Variants in OGDH observed in about 807,000 individuals in gnomAD.
The protein encoded by OGDH is oxoglutarate dehydrogenase.
A neutral mutation model predicts 116.6 loss-of-function variants in OGDH; 38 were observed. The ratio of observed to expected loss-of-function variants is 0.33; its 90% CI spans 0.25 to 0.43. OGDH has a LOEUF of 0.43. Among genes scored for constraint, OGDH ranks in the 20% least tolerant of loss-of-function variants. The pLI, the probability that OGDH is intolerant of heterozygous loss-of-function variation, is 1.00. For missense variants in OGDH, 825 were observed against 1,357.2 expected, an observed-to-expected ratio of 0.61 and a Z score of 6.16; for synonymous variants, 488 against 533.3, an observed-to-expected ratio of 0.92 and a Z score of 1.17.
chr7:44,611,016 A>G (rs1460711476), intron 1 of OGDH, among the ~76,000 whole-genome samples: 1 of 151,990 alleles, frequency 6.6e-6, no homozygotes, highest in Non-Finnish European at 1.5e-5. Flanking sequence ...TGTTGAGTTG[A>G]AGAACTCTTT....
intron 2 of OGDH, among the ~76,000 whole-genome samples, chr7:44,629,989 C>T (rs1785369805): frequency 6.6e-6 from 1 of 152,190 alleles, no homozygotes; most frequent in Admixed American, 6.5e-5. Flanking sequence ...GTTCAGATTA[C>T]AGGTGCAGGC....
chr7:44,619,152 CA>C (rs763983238), intron 1 of OGDH, among the ~76,000 whole-genome samples: 31 of 152,292 alleles, frequency 2.0e-4, no homozygotes, highest in Admixed American at 7.2e-4. Context: ...TTGACCTGTG[CA>C]ACTCTTAATC....
chr7:44,687,186 C>T (rs1788170129), intron 10 of OGDH, among the ~76,000 whole-genome samples: 1 of 149,794 alleles, frequency 6.7e-6, no homozygotes, highest in Admixed American at 6.7e-5. Flanking sequence ...CAACCTCCAC[C>T]TCCGAGGTTC....
chr7:44,621,104 C>T (rs1784991338), intron 1 of OGDH, among the ~76,000 whole-genome samples: 1 of 152,094 alleles, frequency 6.6e-6, no homozygotes, highest in South Asian at 2.1e-4. Flanking sequence ...GATAGGGTCT[C>T]GCTCTGTCAC....
chr7:44,606,894 G>A (rs1324180164), intron 1 of OGDH, among the ~76,000 whole-genome samples: 2 of 152,062 alleles, frequency 1.3e-5, no homozygotes, highest in Non-Finnish European at 2.9e-5. Context: ...GCGGAGATTG[G>A]CGGGTACGGG....
rs116796483 is a variant in OGDH, at chr7:44,641,970, G to C, written c.223-3357G>C. 3.6e-3 allele frequency among the ~76,000 whole-genome samples: 543 copies of C among 152,328 alleles called. 4 individuals are homozygous for C. The highest frequency in any genetic ancestry group is 0.013 in the African/African-American group (527 of 41,572). On this transcript the variant is annotated intron_variant, in intron 2 of 22. Coordinates refer to ENST00000222673, the MANE Select transcript of OGDH (RefSeq NM_002541.4). Reference sequence around the variant, plus strand: ...TGTTTTCTCTCCTAAGAGTAAGTCAGTTTTTTCCTCTGGTGGAAATACTGC... The same window carrying C: ...TGTTTTCTCTCCTAAGAGTAAGTCACTTTTTTCCTCTGGTGGAAATACTGC...
chr7:44,691,981 T>TTAAAAAAAAA (rs1228471357), intron 10 of OGDH, among the ~76,000 whole-genome samples: 1 of 102,608 alleles, frequency 9.7e-6, no homozygotes, highest in African/African-American at 4.4e-5. Context: ...GACTCTGTCT[T>TTAAAAAAAAA]AAAAAAAAAA....
At chr7:44,632,021 C>T (rs867688451) in intron 2 of OGDH, among the ~76,000 whole-genome samples, 3 of 152,166 alleles carry the variant, frequency 2.0e-5, no homozygotes, top group Non-Finnish European at 4.4e-5. Flanking sequence ...GCTTCAGGGC[C>T]AGGAGCCAGA....
At position 44,656,392 on chromosome 7, in the gene OGDH, C is replaced by A. The variant is rs1022036535; in HGVS notation, c.517+8633C>A. The A allele has an allele frequency of 6.5e-6, 10 of 1,533,036 alleles. No individual in the cohort carries two copies. In the East Asian group the frequency reaches 2.2e-4, roughly 34 times the overall value. 95.0% of individuals were successfully genotyped at this position (1,533,036 alleles called of 1,614,324 possible). ...GAAAATAATGAGCTTTTCACCTTTTCAGAGTTGAGGACTTCATTTGAATAG... is the reference window on the plus strand; with the variant it reads ...GAAAATAATGAGCTTTTCACCTTTTAAGAGTTGAGGACTTCATTTGAATAG... On this transcript the variant is annotated intron_variant, in intron 4 of 22. Transcript: ENST00000222673.
chr7:44,674,592 C>G, intron 7 of OGDH, 35 bp downstream of exon 7: 1 of 1,612,042 alleles, frequency 6.2e-7, no homozygotes, highest in Non-Finnish European at 8.5e-7. Context: ...TGGTTTCTCA[C>G]CATCCCTGTG....
chr7:44,625,245 C>G (rs1359491350), intron 2 of OGDH, among the ~76,000 whole-genome samples: 2 of 152,138 alleles, frequency 1.3e-5, no homozygotes, highest in East Asian at 3.8e-4. Flanking sequence ...ATGCCTCAGC[C>G]TCCCGAGTAA....
intron 1 of OGDH, among the ~76,000 whole-genome samples, chr7:44,623,674 T>G (rs1457539628): frequency 4.6e-5 from 4 of 86,496 alleles, no homozygotes; most frequent in Non-Finnish European, 1.3e-4. Flanking sequence ...TGAGACAGAG[T>G]CTCACTCTGT....
chr7:44,614,732 T>C (rs890048754), intron 1 of OGDH, among the ~76,000 whole-genome samples: 1 of 152,134 alleles, frequency 6.6e-6, no homozygotes, highest in Non-Finnish European at 1.5e-5. Context: ...TGAGGATGCC[T>C]CTTTTAGAAT....
chr7:44,696,278 A>AC, intron 13 of OGDH, 151 bp downstream of exon 13: 1 of 1,096,946 alleles, frequency 9.1e-7, no homozygotes, highest in South Asian at 1.5e-5. Context: ...CAGACCCTGG[A>AC]CCCAGACCCC....
At chr7:44,643,994 G>A (rs1229595461) in intron 2 of OGDH, among the ~76,000 whole-genome samples, 3 of 152,154 alleles carry the variant, frequency 2.0e-5, no homozygotes, top group Non-Finnish European at 4.4e-5. Flanking sequence ...ATCACTTGAG[G>A]TCAAGAGTTT....
chr7:44,633,893 A>G (rs1371234071), intron 2 of OGDH, among the ~76,000 whole-genome samples: 1 of 152,210 alleles, frequency 6.6e-6, no homozygotes, highest in Admixed American at 6.5e-5. Context: ...AAGCGTTCTC[A>G]TTTCCTGAGG....
At chr7:44,682,310 G>A (rs1011475892) in intron 10 of OGDH, among the ~76,000 whole-genome samples, 2 of 151,466 alleles carry the variant, frequency 1.3e-5, no homozygotes, top group African/African-American at 4.9e-5. Context: ...GCTTGAACCC[G>A]AGAGGTGAAG....
At chr7:44,687,913 C>T (rs529489864) in intron 10 of OGDH, among the ~76,000 whole-genome samples, 1 of 152,278 alleles carries the variant, frequency 6.6e-6, no homozygotes, top group Admixed American at 6.5e-5. Flanking sequence ...AGTTATCTTA[C>T]TCCTACCCCT....
At position 44,645,353 on chromosome 7, in the gene OGDH, G is replaced by A. The variant is rs762456042; in HGVS notation, c.249G>A (p.Thr83=). ...CATGGGACATTTTTTTTCGCAACACGAATGCCGGAGCCCCACCGGGCACTG... is the reference window on the plus strand; with the variant it reads ...CATGGGACATTTTTTTTCGCAACACAAATGCCGGAGCCCCACCGGGCACTG... ...HKSWDIFFRN[T]NAGAPPGTAY... The change falls in exon 3 of 23, where the codon ACG becomes ACA. Residue 83 remains threonine, a synonymous_variant. Transcript: ENST00000222673. 4.5e-5 allele frequency: 72 copies of A among 1,612,730 alleles called. No homozygotes were observed. Among genetic ancestry groups the A allele is most frequent in the Admixed American group, 3.2e-4 (19 of 59,562 alleles).
Sources: gnomAD v4.1 joint callset for allele counts (sites outside exome capture counted in the v4.1 genomes callset) on GRCh38, gnomAD v4.1.1 for gene constraint, MANE v1.5 for transcripts, NCBI Gene and HGNC (gene_info 2026-07-23, HGNC 2026-07-21) for gene names.